The following LRRC7 variants were observed in gnomAD, a reference collection of about 807,000 sequenced individuals.
LRRC7 encodes leucine rich repeat containing 7.
Under a neutral mutation model 175.7 loss-of-function variants are expected in LRRC7, and 23 were observed. That is an observed-to-expected ratio of 0.13 (90% CI 0.09 to 0.19). LRRC7 has a LOEUF of 0.19. LRRC7 is among the 10% of genes least tolerant of loss of function. The pLI, the probability that LRRC7 is intolerant of heterozygous loss-of-function variation, is 1.00. For synonymous variants in LRRC7, 685 were observed against 680.9 expected (o/e 1.01, Z -0.09); for missense variants, 1,354 against 1,904.7 (o/e 0.71, Z 5.38).
chr1:69,817,565 A>G (rs2101181861), intron 4 of LRRC7, among the ~76,000 whole-genome samples: 1 of 152,190 alleles, frequency 6.6e-6, no homozygotes, highest in South Asian at 2.1e-4. Context: ...AAGAAAGGTG[A>G]GGCTTCCAGC....
chr1:69,694,759 C>G (rs928067942), intron 2 of LRRC7, among the ~76,000 whole-genome samples: 1 of 151,642 alleles, frequency 6.6e-6, no homozygotes, highest in Non-Finnish European at 1.5e-5. Context: ...CTTCCTCTTC[C>G]TCCTTCTCAG....
chr1:69,869,902 T>A (rs1685345736), intron 7 of LRRC7, among the ~76,000 whole-genome samples: 1 of 152,202 alleles, frequency 6.6e-6, no homozygotes, highest in African/African-American at 2.4e-5. Flanking sequence ...GGCATGTGTA[T>A]GATATTTCAT....
At chr1:69,939,037 A>ATC (rs1392909991) in intron 8 of LRRC7, among the ~76,000 whole-genome samples, 1 of 80,938 alleles carries the variant, frequency 1.2e-5, no homozygotes, top group African/African-American at 3.9e-5. Flanking sequence ...ATATCTATAT[A>ATC]TATCTATATC....
rs1666797266 is a variant in LRRC7 at position 70,134,685 on chromosome 1, C to T, written c.*12798C>T. Among the ~76,000 whole-genome samples, 1 of 152,226 alleles carries T rather than the reference C, an allele frequency of 6.6e-6. No homozygotes were observed. Among genetic ancestry groups the T allele is most frequent in the African/African-American group, 2.4e-5 (1 of 41,460 alleles). On this transcript the variant is annotated 3_prime_UTR_variant, in exon 27 of 27. Coordinates refer to ENST00000651989, the MANE Select transcript of LRRC7 (RefSeq NM_001370785.2). ...CAGATACTAATACAGAATACTCTTTCTTAGCAAATTCAATTTAACCTTCTT... is the reference window on the plus strand; with the variant it reads ...CAGATACTAATACAGAATACTCTTTTTTAGCAAATTCAATTTAACCTTCTT...
intron 1 of LRRC7, among the ~76,000 whole-genome samples, chr1:69,628,315 G>T (rs1321233606): frequency 6.6e-6 from 1 of 152,078 alleles, no homozygotes; most frequent in East Asian, 1.9e-4. Context: ...ACAAAAGTCA[G>T]TTGCTTTTTT....
At chr1:70,103,221 C>T (rs1459575696) in intron 25 of LRRC7, among the ~76,000 whole-genome samples, 1 of 149,960 alleles carries the variant, frequency 6.7e-6, no homozygotes, top group East Asian at 2.0e-4. Context: ...AGAATGAAAC[C>T]CTGTCTCAAA....
chr1:69,749,121 A>G (rs6700510), intron 2 of LRRC7, among the ~76,000 whole-genome samples: 109,697 of 152,088 alleles, frequency 0.72, 39,926 homozygotes, highest in East Asian at 0.92. Context: ...TTACATGTAT[A>G]TTTGCATATT....
intron 4 of LRRC7, among the ~76,000 whole-genome samples, chr1:69,795,843 C>A (rs1033055248): frequency 6.6e-6 from 1 of 151,890 alleles, no homozygotes; most frequent in Non-Finnish European, 1.5e-5. Context: ...TATATTAACA[C>A]CTTTAGATAA....
At chr1:69,801,380 A>T (rs1213806567) in intron 4 of LRRC7, among the ~76,000 whole-genome samples, 1 of 151,450 alleles carries the variant, frequency 6.6e-6, no homozygotes, top group Non-Finnish European at 1.5e-5. Flanking sequence ...CTTATTACTG[A>T]TTCTATCTCA....
chr1:70,119,367 C>T (rs906789268), intron 26 of LRRC7, among the ~76,000 whole-genome samples: 3 of 152,050 alleles, frequency 2.0e-5, no homozygotes, highest in African/African-American at 7.2e-5. Context: ...CTACATGCGG[C>T]ATTTTATGTT....
chr1:69,905,754 G>C (rs952108229), intron 7 of LRRC7, among the ~76,000 whole-genome samples: 5 of 152,112 alleles, frequency 3.3e-5, no homozygotes, highest in Admixed American at 2.0e-4. Context: ...ATGGTTTATA[G>C]TCCTTTGGGT....
intron 7 of LRRC7, among the ~76,000 whole-genome samples, chr1:69,903,178 G>A (rs552005870): frequency 1.3e-5 from 2 of 152,302 alleles, no homozygotes; most frequent in East Asian, 3.9e-4. Context: ...GCACCAGAGA[G>A]CTGGGCAAGA....
At chr1:69,859,485 A>T (rs902398374) in intron 7 of LRRC7, among the ~76,000 whole-genome samples, 3 of 152,092 alleles carry the variant, frequency 2.0e-5, no homozygotes, top group Non-Finnish European at 4.4e-5. Flanking sequence ...ACAGAGAGCT[A>T]ATTTGAATAT....
intron 1 of LRRC7, among the ~76,000 whole-genome samples, chr1:69,593,864 T>G (rs555224114): frequency 6.6e-6 from 1 of 152,324 alleles, no homozygotes; most frequent in South Asian, 2.1e-4. Flanking sequence ...AAGCAGAGGC[T>G]GGGAACTTCT....
Position 69,883,533 on chromosome 1 carries a change from G to A in LRRC7, c.647+45250G>A, listed in dbSNP as rs1179548022. On this transcript the variant is annotated intron_variant, in intron 7 of 26. Transcript: ENST00000651989. The stretch of plus-strand genomic sequence containing the variant: ...ATATTAGCTCTTTGTCAGATGAGTA[G>A]GTTGTGAAAATTTTCTCCCATTTTG... Among the ~76,000 whole-genome samples the A allele has an allele frequency of 2.0e-5, 2 of 98,702 alleles. 1 individual carries two copies. Among genetic ancestry groups the A allele is most frequent in the Non-Finnish European group, 4.3e-5 (2 of 46,258 alleles). The allele number at this position is 98,702 out of a possible 152,430, so 64.8% of individuals were successfully genotyped here. A position where few individuals can be genotyped will look rare whatever the true frequency, so the allele number is the denominator to read the frequency against.
At chr1:69,663,601 C>A (rs1179405084) in intron 1 of LRRC7, among the ~76,000 whole-genome samples, 1 of 151,550 alleles carries the variant, frequency 6.6e-6, no homozygotes, top group Admixed American at 6.6e-5. Context: ...TTTTGATACC[C>A]ATTAGCCCTC....
rs527672707 is a variant in LRRC7 at position 69,912,422 on chromosome 1, A to G, written c.648-19085A>G. Among the ~76,000 whole-genome samples, 16 of 152,278 alleles carry G rather than the reference A, an allele frequency of 1.1e-4. No homozygotes were observed. In the South Asian group the frequency reaches 2.5e-3, roughly 24 times the overall value. ...TAACATTCAACATCTCTTCATAAGC[A>G]TATAATATAGGTTGCAATATGTTCT... On this transcript the variant is annotated intron_variant, in intron 7 of 26. Transcript: ENST00000651989.
intron 24 of LRRC7, among the ~76,000 whole-genome samples, chr1:70,088,398 A>G (rs1663770764): frequency 6.6e-6 from 1 of 152,016 alleles, no homozygotes; most frequent in Admixed American, 6.6e-5. Context: ...CTCTAGAAAA[A>G]GAAACAAACT....
chr1:69,815,336 G>A (rs1320380053), intron 4 of LRRC7, among the ~76,000 whole-genome samples: 1 of 152,142 alleles, frequency 6.6e-6, no homozygotes, highest in Non-Finnish European at 1.5e-5. Flanking sequence ...AATCTAGGAG[G>A]TTATTACTTC....
Sources: gnomAD v4.1 joint callset for allele counts (sites outside exome capture counted in the v4.1 genomes callset) on GRCh38, gnomAD v4.1.1 for gene constraint, MANE v1.5 for transcripts, NCBI Gene and HGNC (gene_info 2026-07-23, HGNC 2026-07-21) for gene names.